SPATA13: variants seen among roughly 807,000 people sequenced by gnomAD.
SPATA13 encodes the protein spermatogenesis-associated protein 13.
In SPATA13, 50 loss-of-function variants were observed where a neutral mutation model predicts 104.0. The observed-to-expected ratio is 0.48, with a 90% CI of 0.38 to 0.61. The LOEUF (loss-of-function observed/expected upper bound fraction) is 0.61. Among genes scored for constraint, SPATA13 ranks in the 20% least tolerant of loss-of-function variants. The pLI is 0.00. For synonymous variants in SPATA13, 606 were observed against 667.5 expected (o/e 0.91, Z 1.42); for missense variants, 1,524 against 1,690.6 (o/e 0.90, Z 1.73).
Position 24,286,619 on chromosome 13 carries a change from C to T in SPATA13, c.2482-146C>T. On this transcript the variant is annotated intron_variant, in intron 6 of 12. Transcript: ENST00000382108. This position sits in a 1 kb window ranked among gnomAD's most constrained non-coding sequence, Gnocchi z 4.9. ...CTCGTGCCTGCTGGCATAGCCGCAG[C>T]CCTGCTGAGGCCATGAGACTCAGGC... 1 of 843,744 alleles carries T rather than the reference C, an allele frequency of 1.2e-6. No individual in the cohort carries two copies. The highest frequency in any genetic ancestry group is 1.8e-6 in the Non-Finnish European group (1 of 554,250). 52.3% of individuals were successfully genotyped at this position (843,744 alleles called of 1,614,324 possible). A position where few individuals can be genotyped will look rare whatever the true frequency, so the allele number is the denominator to read the frequency against.
chr13:24,290,817 G>T lies in SPATA13; in HGVS notation c.3013G>T (p.Val1005Leu). 1 of 1,614,190 alleles carries T rather than the reference G, an allele frequency of 6.2e-7. No homozygotes were observed. Among genetic ancestry groups the T allele is most frequent in the Non-Finnish European group, 8.5e-7 (1 of 1,180,052 alleles). The change falls in exon 9 of 13, where the codon GTG becomes TTG. Residue 1005 changes from valine (V) to leucine (L), a missense_variant. Val to Leu is a conservative substitution (Grantham distance 32, BLOSUM62 1). Coordinates refer to ENST00000382108, the MANE Select transcript of SPATA13 (RefSeq NM_001166271.3). ...IAIDGFLLTP[V>L]QKICKYPLQL... ...CATCGACGGGTTCCTGCTCACACCA[G>T]TGCAGAAGATCTGCAAATACCCGCT...
intron 3 of SPATA13, among the ~76,000 whole-genome samples, chr13:24,059,214 A>AC (rs1250764556): frequency 2.7e-5 from 4 of 149,454 alleles, no homozygotes; most frequent in African/African-American, 9.9e-5. Flanking sequence ...CTCGTAATCC[A>AC]CCCCCCTCGG....
intron 1 of SPATA13, among the ~76,000 whole-genome samples, chr13:24,169,009 AC>A (rs1481632931): frequency 6.6e-6 from 1 of 152,164 alleles, no homozygotes; most frequent in Non-Finnish European, 1.5e-5. Flanking sequence ...CAGATTCAAT[AC>A]ATTTTACTTT....
intron 3 of SPATA13, among the ~76,000 whole-genome samples, chr13:24,070,085 T>A (rs1475214874): frequency 2.0e-5 from 3 of 152,204 alleles, no homozygotes; most frequent in African/African-American, 4.8e-5. Flanking sequence ...ATAGTTTAGC[T>A]TGGACGGTGT....
chr13:24,238,043 G>C (rs1203172115), intron 2 of SPATA13, among the ~76,000 whole-genome samples: 1 of 146,518 alleles, frequency 6.8e-6, no homozygotes, highest in East Asian at 2.0e-4. Flanking sequence ...ATTAAGTGAT[G>C]TGCTGTAGGT....
At chr13:24,141,888 C>G (rs1881774839) in intron 3 of SPATA13, among the ~76,000 whole-genome samples, 1 of 152,182 alleles carries the variant, frequency 6.6e-6, no homozygotes, top group Non-Finnish European at 1.5e-5. Flanking sequence ...TGGTATTCTC[C>G]TTTTCTTCAC....
At chr13:24,128,757 T>A (rs1365220538) in intron 3 of SPATA13, among the ~76,000 whole-genome samples, 1 of 151,872 alleles carries the variant, frequency 6.6e-6, no homozygotes, top group Non-Finnish European at 1.5e-5. Context: ...AAAAACTGCT[T>A]ACTTCCCTTA....
At chr13:24,239,480 A>C (rs1289498206) in intron 2 of SPATA13, among the ~76,000 whole-genome samples, 1 of 151,978 alleles carries the variant, frequency 6.6e-6, no homozygotes, top group Non-Finnish European at 1.5e-5. Context: ...GGATCCCTTG[A>C]ACCCAGGAGT....
At chr13:24,130,891 GC>G (rs1346190724) in intron 3 of SPATA13, among the ~76,000 whole-genome samples, 2 of 152,208 alleles carry the variant, frequency 1.3e-5, no homozygotes, top group African/African-American at 2.4e-5. Flanking sequence ...GGGAATCTCT[GC>G]AGGTTAAACT....
At chr13:24,167,255 T>C (rs965227869) in intron 1 of SPATA13, among the ~76,000 whole-genome samples, 4 of 152,168 alleles carry the variant, frequency 2.6e-5, no homozygotes, top group African/African-American at 9.7e-5. Flanking sequence ...GGTTCTGTGA[T>C]AGGAGGAGGT....
intron 2 of SPATA13, among the ~76,000 whole-genome samples, chr13:24,006,118 G>A (rs1249191682): frequency 1.3e-5 from 2 of 152,218 alleles, no homozygotes; most frequent in Non-Finnish European, 2.9e-5. Context: ...CACTTTGTGA[G>A]TAACCACCAT....
At chr13:24,128,774 A>G (rs1156268697) in intron 3 of SPATA13, among the ~76,000 whole-genome samples, 2 of 152,116 alleles carry the variant, frequency 1.3e-5, no homozygotes, top group Admixed American at 6.5e-5. Flanking sequence ...CTTAAAAAAT[A>G]CGTACCTAAG....
At chr13:24,042,868 G>A (rs1018694396) in intron 3 of SPATA13, among the ~76,000 whole-genome samples, 1 of 152,154 alleles carries the variant, frequency 6.6e-6, no homozygotes, top group African/African-American at 2.4e-5. Flanking sequence ...CAGGGGAAAC[G>A]TGCGTTTAAA....
intron 2 of SPATA13, among the ~76,000 whole-genome samples, chr13:24,007,675 C>T (rs544204336): frequency 5.3e-5 from 8 of 152,094 alleles, no homozygotes; most frequent in Non-Finnish European, 1.0e-4. Context: ...GCTATGGTGG[C>T]CAGGCTGGTC....
At chr13:24,151,138 T>C (rs1021926087) in intron 3 of SPATA13, among the ~76,000 whole-genome samples, 1 of 152,222 alleles carries the variant, frequency 6.6e-6, no homozygotes, top group African/African-American at 2.4e-5. Context: ...AATCACACAG[T>C]TCTGGAGACA....
chr13:24,189,514 A>G (rs1324538614), intron 1 of SPATA13, among the ~76,000 whole-genome samples: 1 of 137,904 alleles, frequency 7.3e-6, no homozygotes. Context: ...TATATATAAT[A>G]TATTTAATAT....
chr13:24,093,505 C>A (rs910527260), intron 3 of SPATA13, among the ~76,000 whole-genome samples: 1 of 152,092 alleles, frequency 6.6e-6, no homozygotes, highest in Non-Finnish European at 1.5e-5. Context: ...AATACAGATG[C>A]AAAGTTCAGG....
intron 3 of SPATA13, among the ~76,000 whole-genome samples, chr13:24,062,892 C>T (rs1438462069): frequency 1.3e-4 from 20 of 152,136 alleles, no homozygotes; most frequent in Admixed American, 1.3e-3. Context: ...AAACTGCATG[C>T]TTGTGGATGG....
At position 24,179,805 on chromosome 13, in the gene SPATA13, A is replaced by G. The variant is rs181585774; in HGVS notation, c.-112+18873A>G. Among the ~76,000 whole-genome samples, 291 of 152,182 alleles carry G rather than the reference A, an allele frequency of 1.9e-3. 1 individual carries two copies. The highest frequency in any genetic ancestry group is 3.0e-3 in the Non-Finnish European group (206 of 68,004). On this transcript the variant is annotated intron_variant, in intron 1 of 12. Coordinates refer to ENST00000382108, the MANE Select transcript of SPATA13 (RefSeq NM_001166271.3). The stretch of plus-strand genomic sequence containing the variant: ...TTTCATGTGCTTATTGGCTATTTGG[A>G]TATCTTCAAAGAAATGCCTCTTCAA...
Sources: allele counts gnomAD v4.1 joint callset (sites outside exome capture counted in the v4.1 genomes callset), GRCh38; gene constraint gnomAD v4.1.1; non-coding constraint Gnocchi (gnomAD v3.1); transcripts MANE v1.5; gene names NCBI Gene and HGNC (gene_info 2026-07-23, HGNC 2026-07-21).